TRPS1: variants seen among roughly 807,000 people sequenced by gnomAD.
TRPS1 encodes the protein zinc finger transcription factor Trps1.
A neutral mutation model predicts 101.2 loss-of-function variants in TRPS1; 6 were observed. The ratio of observed to expected loss-of-function variants is 0.06; its 90% CI spans 0.03 to 0.12. The LOEUF (loss-of-function observed/expected upper bound fraction) is 0.12. Ranked by LOEUF, TRPS1 falls within the 10% of genes least tolerant of loss-of-function variation. TRPS1 has a pLI of 1.00. For missense variants in TRPS1, 1,363 were observed against 1,567.0 expected (o/e 0.87, Z 2.20); for synonymous variants, 578 against 589.8 (o/e 0.98, Z 0.29).
At chr8:115,648,424 G>C (rs1322905879) in intron 1 of TRPS1, among the ~76,000 whole-genome samples, 1 of 152,212 alleles carries the variant, frequency 6.6e-6, no homozygotes, top group African/African-American at 2.4e-5. Context: ...CCGAGCACGC[G>C]TGGTGGCGGC....
At chr8:115,509,471 T>C (rs1258189744) in intron 5 of TRPS1, 4 of 152,000 alleles carry the variant, frequency 2.6e-5, no homozygotes, top group African/African-American at 4.8e-5. Context: ...GCAGGTGAAA[T>C]ATGTTAGTTT....
chr8:115,555,203 C>G (rs1816789352), intron 5 of TRPS1, among the ~76,000 whole-genome samples: 1 of 152,256 alleles, frequency 6.6e-6, no homozygotes, highest in South Asian at 2.1e-4. Context: ...AAAAAATATA[C>G]TTGGTTTTTT....
At chr8:115,556,900 A>G (rs55996798) in intron 5 of TRPS1, among the ~76,000 whole-genome samples, 2,779 of 152,286 alleles carry the variant, frequency 0.018, 37 homozygotes, top group Middle Eastern at 0.037. Flanking sequence ...GAACAGATTC[A>G]GTGCTGGAGT....
At chr8:115,534,565 T>A (rs967906203) in intron 5 of TRPS1, among the ~76,000 whole-genome samples, 2 of 152,242 alleles carry the variant, frequency 1.3e-5, no homozygotes, top group Non-Finnish European at 2.9e-5. Flanking sequence ...CATTCAGTCA[T>A]AACACATGGC....
chr8:115,528,194 TATA>T (rs1302079488), intron 5 of TRPS1, among the ~76,000 whole-genome samples: 1 of 152,130 alleles, frequency 6.6e-6, no homozygotes, highest in African/African-American at 2.4e-5. Context: ...TACTAAACTC[TATA>T]ATAATTTGCA....
At chr8:115,620,084 A>T in intron 2 of TRPS1, 24 bp from the exon 3 acceptor site, 1 of 1,609,550 alleles carries the variant, frequency 6.2e-7, no homozygotes, top group Non-Finnish European at 8.5e-7. Context: ...GGGAAAAGGC[A>T]GATACAGTGT....
chr8:115,663,858 C>A (rs1178001837), intron 1 of TRPS1, among the ~76,000 whole-genome samples: 1 of 151,844 alleles, frequency 6.6e-6, no homozygotes, highest in East Asian at 1.9e-4. Context: ...ACCTGTAGAT[C>A]CTACTGCACC....
chr8:115,528,878 CTA>C lies in TRPS1; in HGVS notation c.2700+58121_2700+58122del, dbSNP rs144545751. On this transcript the variant is annotated intron_variant, in intron 5 of 6. Coordinates refer to ENST00000395715, the MANE Select transcript of TRPS1 (RefSeq NM_014112.5). ...TAATTTTTTATGATTCTTTTAAAAA[CTA>C]TTTCAAAATAGAATGTGAGGTCAAC... Among the ~76,000 whole-genome samples the C allele has an allele frequency of 1.2e-3, 179 of 152,004 alleles. No individual in the cohort carries two copies. The East Asian group carries it at 0.029, about 25-fold the overall frequency.
At chr8:115,635,949 T>C (rs376677062) in intron 1 of TRPS1, among the ~76,000 whole-genome samples, 3 of 152,320 alleles carry the variant, frequency 2.0e-5, no homozygotes, top group African/African-American at 7.2e-5. Flanking sequence ...TCATACATAA[T>C]GTTTACTACT....
intron 2 of TRPS1, among the ~76,000 whole-genome samples, chr8:115,620,510 A>C (rs1818370748): frequency 6.6e-6 from 1 of 152,204 alleles, no homozygotes; most frequent in African/African-American, 2.4e-5. Context: ...TATAGAATAC[A>C]TCACATTTAT....
Position 115,482,935 on chromosome 8 carries a change from T to C in TRPS1, c.2701-64483A>G, listed in dbSNP as rs1814789962. Among the ~76,000 whole-genome samples the C allele has an allele frequency of 2.6e-5, 4 of 152,242 alleles. No individual in the cohort carries two copies. In the South Asian group the frequency reaches 8.3e-4, roughly 31 times the overall value. On this transcript the variant is annotated intron_variant, in intron 5 of 6. Transcript: ENST00000395715. ...GATCAATATAACTGGTTGTATAACT[T>C]ACTATCTTTAGTAATAAGCAGTAGC...
chr8:115,527,701 T>A (rs1320615273), intron 5 of TRPS1, among the ~76,000 whole-genome samples: 1 of 152,012 alleles, frequency 6.6e-6, no homozygotes, highest in African/African-American at 2.4e-5. Flanking sequence ...AAAAGTCAAC[T>A]TTAAAAAAGT....
At chr8:115,586,562 A>G (rs1291277575) in intron 5 of TRPS1, among the ~76,000 whole-genome samples, 2 of 152,224 alleles carry the variant, frequency 1.3e-5, no homozygotes, top group Non-Finnish European at 2.9e-5. Context: ...CATCTCATCA[A>G]GGACATTACA....
At chr8:115,429,274 C>CATACCTTA (rs1337073185) in intron 5 of TRPS1, among the ~76,000 whole-genome samples, 1 of 152,186 alleles carries the variant, frequency 6.6e-6, no homozygotes, top group Non-Finnish European at 1.5e-5. Context: ...AAAACGAACA[C>CATACCTTA]ATACCTTATG....
intron 5 of TRPS1, among the ~76,000 whole-genome samples, chr8:115,462,433 C>G (rs530587364): frequency 6.6e-6 from 1 of 152,204 alleles, no homozygotes; most frequent in South Asian, 2.1e-4. Flanking sequence ...CATATATTAG[C>G]TTTCTAATGT....
At position 115,587,542 on chromosome 8, in the gene TRPS1, A is replaced by T. The variant is rs1243608090; in HGVS notation, c.2159T>A (p.Leu720Gln). ...CSFTAADTQS[L>Q]LEHFNTVHCQ... is the part of the protein sequence containing the mutation. ...GTGAACAGTGTTGAAGTGCTCCAGTAGTGACTGAGTATCGGCAGCTGTAAA... is the reference window on the plus strand; with the variant it reads ...GTGAACAGTGTTGAAGTGCTCCAGTTGTGACTGAGTATCGGCAGCTGTAAA... The change falls in exon 5 of 7, where the codon CTA becomes CAA. Residue 720 changes from leucine (L) to glutamine (Q), a missense_variant. This residue lies in a region of TRPS1 where 1,020 missense variants were observed against 1,073.0 expected (regional missense o/e 0.95). Coordinates refer to ENST00000395715, the MANE Select transcript of TRPS1 (RefSeq NM_014112.5). 6.2e-7 allele frequency: 1 copy of T among 1,614,178 alleles called. No homozygotes were observed. The highest frequency in any genetic ancestry group is 1.7e-5 in the Admixed American group (1 of 60,030).
At chr8:115,510,301 G>C (rs890583299) in intron 5 of TRPS1, among the ~76,000 whole-genome samples, 12 of 151,910 alleles carry the variant, frequency 7.9e-5, no homozygotes, top group Non-Finnish European at 1.3e-4. Flanking sequence ...GGCTGGTTAT[G>C]GACTTATCCT....
chr8:115,438,681 A>G (rs1813516662), intron 5 of TRPS1, among the ~76,000 whole-genome samples: 1 of 152,138 alleles, frequency 6.6e-6, no homozygotes, highest in South Asian at 2.1e-4. Context: ...CAGATGGTCT[A>G]TAGTAACCTC....
chr8:115,564,205 A>G (rs941469604), intron 5 of TRPS1, among the ~76,000 whole-genome samples: 1 of 152,138 alleles, frequency 6.6e-6, no homozygotes, highest in African/African-American at 2.4e-5. Context: ...TATGGGGTAC[A>G]TTATTAGATT....
Sources: allele counts gnomAD v4.1 joint callset (sites outside exome capture counted in the v4.1 genomes callset), GRCh38; gene constraint gnomAD v4.1.1; regional missense constraint gnomAD v4.1.1; transcripts MANE v1.5; gene names NCBI Gene and HGNC (gene_info 2026-07-23, HGNC 2026-07-21).